Variants in STRN3 observed in about 807,000 individuals in gnomAD.
STRN3 encodes the protein striatin 3.
A neutral mutation model predicts 95.6 loss-of-function variants in STRN3; 29 were observed. The ratio of observed to expected loss-of-function variants is 0.30; its 90% CI spans 0.23 to 0.41. STRN3 has a LOEUF of 0.41. STRN3 is among the 10% of genes least tolerant of loss of function. STRN3 has a pLI of 1.00. For synonymous variants in STRN3, 331 were observed against 357.6 expected, an observed-to-expected ratio of 0.93 and a Z score of 0.84; for missense variants, 890 against 972.1, an observed-to-expected ratio of 0.92 and a Z score of 1.12.
intron 1 of STRN3, among the ~76,000 whole-genome samples, chr14:30,966,284 T>C (rs1475392729): frequency 6.6e-6 from 1 of 152,236 alleles, no homozygotes; most frequent in Non-Finnish European, 1.5e-5. Context: ...TTGTTCCATC[T>C]GTAAGGGTGC....
intron 8 of STRN3, among the ~76,000 whole-genome samples, chr14:30,920,367 A>C (rs1454811006): frequency 3.7e-4 from 57 of 152,182 alleles, no homozygotes; most frequent in Non-Finnish European, 4.4e-5. Context: ...CAGAGAAATG[A>C]CTGTAAACAA....
chr14:30,899,530 A>C (rs141837256), intron 16 of STRN3, among the ~76,000 whole-genome samples: 36 of 152,258 alleles, frequency 2.4e-4, no homozygotes, highest in Admixed American at 6.5e-4. Context: ...CTGGTTCTAA[A>C]AGTCCTCCTC....
chr14:30,986,723 A>G (rs1328210916), intron 1 of STRN3, among the ~76,000 whole-genome samples: 1 of 152,232 alleles, frequency 6.6e-6, no homozygotes, highest in Non-Finnish European at 1.5e-5. Context: ...AAGTCTTGGA[A>G]ATAAATAGAA....
intron 1 of STRN3, among the ~76,000 whole-genome samples, chr14:31,017,404 C>CAG (rs35679486): frequency 0.65 from 98,631 of 150,818 alleles, 32,885 homozygotes; most frequent in Non-Finnish European, 0.73. Flanking sequence ...GAGGCTGAGG[C>CAG]AGGAGAATGG....
chr14:30,999,277 G>A lies in STRN3; in HGVS notation c.282+26627C>T, dbSNP rs569529337. Reference sequence around the variant, plus strand: ...TGCTCAGGTTAGTCTCAAACTCCCAGGTCAAGCGATCCTCCCACCTCGGCC... The same window carrying A: ...TGCTCAGGTTAGTCTCAAACTCCCAAGTCAAGCGATCCTCCCACCTCGGCC... On this transcript the variant is annotated intron_variant, in intron 1 of 17. Transcript: ENST00000357479. Among the ~76,000 whole-genome samples, 12 of 152,266 alleles carry A rather than the reference G, an allele frequency of 7.9e-5. No homozygotes were observed. In the South Asian group the frequency reaches 2.3e-3, roughly 29 times the overall value.
intron 1 of STRN3, among the ~76,000 whole-genome samples, chr14:31,011,834 CT>C (rs1214647726): frequency 6.6e-6 from 1 of 151,810 alleles, no homozygotes; most frequent in Non-Finnish European, 1.5e-5. Context: ...AATCCCAGCA[CT>C]TTGGGAGGCC....
rs1007819925 is a variant in STRN3 at position 31,001,658 on chromosome 14, C to T, written c.282+24246G>A. 3.9e-5 allele frequency among the ~76,000 whole-genome samples: 6 copies of T among 152,188 alleles called. No individual in the cohort carries two copies. In the East Asian group the frequency reaches 1.2e-3, roughly 29 times the overall value. On this transcript the variant is annotated intron_variant, in intron 1 of 17. Coordinates refer to ENST00000357479, the MANE Select transcript of STRN3 (RefSeq NM_001083893.2). ...TCGGTCGTACCAAAAGAATTGGAAG[C>T]GGGACCTCAGAGACATTTGTACACG...
chr14:30,983,318 G>A (rs1485338370), intron 1 of STRN3, among the ~76,000 whole-genome samples: 1 of 152,182 alleles, frequency 6.6e-6, no homozygotes, highest in Admixed American at 6.5e-5. Flanking sequence ...TGAGGTGGGA[G>A]GATCGCCTGA....
At chr14:31,010,822 T>C (rs1882936872) in intron 1 of STRN3, among the ~76,000 whole-genome samples, 1 of 152,138 alleles carries the variant, frequency 6.6e-6, no homozygotes, top group Non-Finnish European at 1.5e-5. Flanking sequence ...GTAGATCACC[T>C]GAGGTCAGGA....
intron 5 of STRN3, among the ~76,000 whole-genome samples, chr14:30,939,084 G>C (rs967568327): frequency 2.0e-5 from 3 of 152,156 alleles, no homozygotes; most frequent in African/African-American, 7.2e-5. Flanking sequence ...TCCCACAAGG[G>C]TGGCAAGGAG....
Position 30,919,095 on chromosome 14 carries a change from T to C in STRN3, c.1111A>G (p.Thr371Ala). ...TCAGCTATCATGTCGTAGAGTTTTGTCCTGTTGGCCCCTGTAAATTAATGT... is the reference window on the plus strand; with the variant it reads ...TCAGCTATCATGTCGTAGAGTTTTGCCCTGTTGGCCCCTGTAAATTAATGT... ...GKKGVKRANR[T>A]KLYDMIADLG... The change falls in exon 9 of 18, where the codon ACA becomes GCA. Residue 371 changes from threonine to alanine, a missense_variant. By Grantham distance (58) the Thr-to-Ala change is moderately conservative (BLOSUM62 0). Around this residue, in one of 3 missense-constraint regions of STRN3, gnomAD observed 526 missense variants for 526.3 expected, o/e 1.00. Transcript: ENST00000357479. The C allele has an allele frequency of 6.2e-7, 1 of 1,606,320 alleles. No homozygotes were observed. Among genetic ancestry groups the C allele is most frequent in the Non-Finnish European group, 8.5e-7 (1 of 1,175,418 alleles).
intron 4 of STRN3, among the ~76,000 whole-genome samples, chr14:30,950,250 A>G (rs1025245872): frequency 6.6e-6 from 1 of 152,222 alleles, no homozygotes; most frequent in African/African-American, 2.4e-5. Flanking sequence ...GAAATATTCT[A>G]AAGATAGTTC....
At chr14:30,960,762 A>C (rs370805784) in intron 1 of STRN3, among the ~76,000 whole-genome samples, 21 of 149,974 alleles carry the variant, frequency 1.4e-4, no homozygotes, top group African/African-American at 4.7e-4. Context: ...CCAGCTACTC[A>C]GGAGGCTGAG....
rs1566438140 is a variant in STRN3 at position 30,924,285 on chromosome 14, A to ATTTTTTTT, written c.1099+4915_1099+4916insAAAAAAAA. Among the ~76,000 whole-genome samples the ATTTTTTTT allele has an allele frequency of 6.0e-4, 20 of 33,542 alleles. 1 individual carries two copies. The highest frequency in any genetic ancestry group is 1.4e-3 in the Admixed American group (3 of 2,072). 22.0% of individuals were successfully genotyped at this position (33,542 alleles called of 152,430 possible). On this transcript the variant is annotated intron_variant, in intron 8 of 17. Coordinates refer to ENST00000357479, the MANE Select transcript of STRN3 (RefSeq NM_001083893.2). Reference sequence around the variant, plus strand: ...CCAGGTACAATGGCTCATGCCTTAAATCTTTTTTTTTTTTTTTTTTTTGAG... The same window carrying ATTTTTTTT: ...CCAGGTACAATGGCTCATGCCTTAAATTTTTTTTTCTTTTTTTTTTTTTTTTTTTTGAG...
chr14:31,014,488 G>C (rs1883144229), intron 1 of STRN3, among the ~76,000 whole-genome samples: 1 of 152,138 alleles, frequency 6.6e-6, no homozygotes, highest in East Asian at 1.9e-4. Context: ...CAAAAGTGCT[G>C]GGATTACAGG....
chr14:30,916,833 G>C (rs1165851682), intron 9 of STRN3, among the ~76,000 whole-genome samples: 1 of 152,132 alleles, frequency 6.6e-6, no homozygotes, highest in Non-Finnish European at 1.5e-5. Context: ...GTCTTTTTCA[G>C]ACTTTTGTAA....
intron 8 of STRN3, among the ~76,000 whole-genome samples, chr14:30,922,216 G>C (rs1404242084): frequency 6.6e-6 from 1 of 152,010 alleles, no homozygotes; most frequent in Non-Finnish European, 1.5e-5. Context: ...TTTTTGTAGA[G>C]ATGGTCTCAC....
intron 1 of STRN3, among the ~76,000 whole-genome samples, chr14:31,020,971 AT>A (rs965740624): frequency 1.7e-4 from 26 of 152,262 alleles, no homozygotes; most frequent in Middle Eastern, 3.4e-3. Flanking sequence ...CTCATACATC[AT>A]TATACACCCA....
At chr14:30,945,228 G>C (rs1444654000) in intron 5 of STRN3, among the ~76,000 whole-genome samples, 1 of 152,224 alleles carries the variant, frequency 6.6e-6, no homozygotes, top group Non-Finnish European at 1.5e-5. Flanking sequence ...AGGTAAAACA[G>C]TGCAGCTACC....
Sources: gnomAD v4.1 joint callset for allele counts (sites outside exome capture counted in the v4.1 genomes callset) on GRCh38, gnomAD v4.1.1 for gene constraint, gnomAD v4.1.1 regional missense constraint, MANE v1.5 for transcripts, NCBI Gene and HGNC (gene_info 2026-07-23, HGNC 2026-07-21) for gene names.